DSCAML1: variants seen among roughly 807,000 people sequenced by gnomAD.
The protein encoded by DSCAML1 is DS cell adhesion molecule like 1.
A neutral mutation model predicts 200.5 loss-of-function variants in DSCAML1; 38 were observed. The observed-to-expected ratio is 0.19, with a 90% CI of 0.15 to 0.25. DSCAML1 has a LOEUF of 0.25. DSCAML1 is among the 10% of genes least tolerant of loss of function. The probability of loss-of-function intolerance (pLI) is 1.00; values close to 1 mark genes in which losing one functional copy is unlikely to be tolerated. For missense variants in DSCAML1, 2,223 were observed against 2,858.8 expected (o/e 0.78, Z 5.07); for synonymous variants, 1,215 against 1,165.0 (o/e 1.04, Z -0.87).
At chr11:117,655,062 C>T (rs1303607471) in intron 3 of DSCAML1, among the ~76,000 whole-genome samples, 1 of 152,248 alleles carries the variant, frequency 6.6e-6, no homozygotes, top group Non-Finnish European at 1.5e-5. Flanking sequence ...ACCCTAAGTG[C>T]ACAGCCCAAA....
chr11:117,644,115 C>A (rs2052471406), intron 3 of DSCAML1, among the ~76,000 whole-genome samples: 1 of 152,214 alleles, frequency 6.6e-6, no homozygotes, highest in African/African-American at 2.4e-5. Flanking sequence ...GTGATGAAGT[C>A]CTGGGCTCAG....
chr11:117,582,036 G>A (rs146191778), intron 3 of DSCAML1, among the ~76,000 whole-genome samples: 362 of 152,232 alleles, frequency 2.4e-3, no homozygotes, highest in African/African-American at 7.6e-3. Context: ...CATGATCATC[G>A]GATGCGCATT....
intron 3 of DSCAML1, among the ~76,000 whole-genome samples, chr11:117,701,514 T>C (rs1455138179): frequency 6.6e-6 from 1 of 152,052 alleles, no homozygotes; most frequent in Non-Finnish European, 1.5e-5. Context: ...CATCTGGAGG[T>C]ACACAGGCAG....
intron 17 of DSCAML1, 70 bp from the exon 18 acceptor site, chr11:117,461,666 TC>T: frequency 6.6e-7 from 1 of 1,510,198 alleles, no homozygotes; most frequent in Non-Finnish European, 9.0e-7. Flanking sequence ...AGCAATTGTG[TC>T]CCAGGCTGGG....
At chr11:117,591,503 A>G (rs2051258630) in intron 3 of DSCAML1, among the ~76,000 whole-genome samples, 2 of 152,264 alleles carry the variant, frequency 1.3e-5, no homozygotes, top group South Asian at 2.1e-4. Context: ...TCAGAGCTGC[A>G]GGAATCTGCG....
intron 3 of DSCAML1, among the ~76,000 whole-genome samples, chr11:117,711,186 A>G (rs1004373661): frequency 1.3e-5 from 2 of 152,204 alleles, no homozygotes; most frequent in African/African-American, 4.8e-5. Flanking sequence ...CTCATGGGGC[A>G]GGCTGAGCTC....
intron 8 of DSCAML1, among the ~76,000 whole-genome samples, chr11:117,513,613 C>T (rs1000539881): frequency 2.6e-5 from 4 of 151,816 alleles, no homozygotes; most frequent in Non-Finnish European, 4.4e-5. Context: ...TGGTGGCGTG[C>T]GCCTGTAGTC....
intron 3 of DSCAML1, among the ~76,000 whole-genome samples, chr11:117,667,055 A>G (rs1166893616): frequency 6.6e-6 from 1 of 152,098 alleles, no homozygotes; most frequent in African/African-American, 2.4e-5. Flanking sequence ...AAGGAGCAAC[A>G]CCCAGCTTTC....
intron 3 of DSCAML1, among the ~76,000 whole-genome samples, chr11:117,618,441 T>C (rs1030343492): frequency 6.6e-6 from 1 of 152,202 alleles, no homozygotes; most frequent in African/African-American, 2.4e-5. Flanking sequence ...ATAACAGCTC[T>C]TCAGTTTTCA....
intron 1 of DSCAML1, among the ~76,000 whole-genome samples, 188 bp downstream of exon 1, chr11:117,796,846 G>A (rs1291838166): frequency 2.0e-5 from 3 of 152,090 alleles, no homozygotes; most frequent in Admixed American, 6.5e-5. Flanking sequence ...CTGGCGGAGC[G>A]GTCGGGGGCT....
At chr11:117,536,277 C>T (rs7103687) in intron 3 of DSCAML1, among the ~76,000 whole-genome samples, 55 of 152,000 alleles carry the variant, frequency 3.6e-4, no homozygotes, top group Non-Finnish European at 4.4e-4. Context: ...GTGTGGAGAG[C>T]GGAGGGAGGC....
At chr11:117,511,327 C>G (rs2049613538) in intron 8 of DSCAML1, among the ~76,000 whole-genome samples, 1 of 152,152 alleles carries the variant, frequency 6.6e-6, no homozygotes, top group African/African-American at 2.4e-5. Context: ...CTTGTTTTGG[C>G]TCAAGAAGCC....
chr11:117,693,003 A>C (rs2053525220), intron 3 of DSCAML1, among the ~76,000 whole-genome samples: 1 of 152,190 alleles, frequency 6.6e-6, no homozygotes, highest in African/African-American at 2.4e-5. Context: ...AGTTTCTCAA[A>C]GTCCCTCCAA....
intron 3 of DSCAML1, among the ~76,000 whole-genome samples, chr11:117,610,669 G>T (rs1352932682): frequency 6.6e-6 from 1 of 151,668 alleles, no homozygotes; most frequent in Non-Finnish European, 1.5e-5. Context: ...TATCATGGAG[G>T]TTATTTCTTA....
intron 17 of DSCAML1, among the ~76,000 whole-genome samples, chr11:117,462,362 G>A (rs2048497529): frequency 2.0e-5 from 3 of 152,206 alleles, no homozygotes; most frequent in Admixed American, 6.5e-5. Context: ...AGTGCAGCCT[G>A]CCCCTCCTGA....
intron 3 of DSCAML1, among the ~76,000 whole-genome samples, chr11:117,651,947 C>T (rs532035478): frequency 3.9e-5 from 6 of 152,310 alleles, no homozygotes; most frequent in South Asian, 4.1e-4. Context: ...TCTCTGATTA[C>T]GGGTATTGGT....
intron 3 of DSCAML1, among the ~76,000 whole-genome samples, chr11:117,603,570 A>T (rs963703576): frequency 1.3e-5 from 2 of 152,194 alleles, no homozygotes; most frequent in Non-Finnish European, 2.9e-5. Flanking sequence ...CACAGCAAAC[A>T]CTCAGTGAAT....
At chr11:117,756,552 A>G (rs1468641616) in intron 3 of DSCAML1, among the ~76,000 whole-genome samples, 1 of 152,150 alleles carries the variant, frequency 6.6e-6, no homozygotes, top group Admixed American at 6.5e-5. Context: ...AACTAAGACT[A>G]GAGACAATTT....
In DSCAML1 at chr11:117,443,996, C is replaced by A. The variant is rs747311471; in HGVS notation, c.3752G>T (p.Arg1251Leu). The A allele has an allele frequency of 4.7e-5, 76 of 1,613,808 alleles. No individual in the cohort carries two copies. Among genetic ancestry groups the A allele is most frequent in the African/African-American group, 5.3e-5 (4 of 74,910 alleles). ...YETSPEQLFY[R>L]IAHLNRGQQY... ...CTGACCGCGGTTTAGGTGGGCGATC[C>A]GGTAGAAGAGCTGCTCTGGACTCGT... Residue 1251 changes from arginine (R) to leucine (L), a missense_variant, in exon 21 of 33, where the codon CGG (arginine) becomes CTG (leucine). By Grantham distance (102) the Arg-to-Leu change is moderately radical (BLOSUM62 -2). Transcript: ENST00000651296.
Sources: allele counts gnomAD v4.1 joint callset (sites outside exome capture counted in the v4.1 genomes callset), GRCh38; gene constraint gnomAD v4.1.1; transcripts MANE v1.5; gene names NCBI Gene and HGNC (gene_info 2026-07-23, HGNC 2026-07-21).